Variants in SEC23A observed in about 807,000 individuals in gnomAD.
SEC23A encodes SEC23 homolog A, COPII component.
SEC23A carries 56 observed loss-of-function variants against 103.7 expected under a neutral mutation model. The observed-to-expected ratio is 0.54, with a 90% CI of 0.44 to 0.67. The LOEUF (loss-of-function observed/expected upper bound fraction) is 0.67, where lower values mean the gene tolerates loss of function less well. SEC23A is among the 30% of genes least tolerant of loss of function. The pLI, the probability that SEC23A is intolerant of heterozygous loss-of-function variation, is 0.00. For synonymous variants in SEC23A, 281 were observed against 293.0 expected (o/e 0.96, Z 0.42); for missense variants, 784 against 936.4 (o/e 0.84, Z 2.12).
At chr14:39,077,475 G>C (rs563707410) in intron 7 of SEC23A, among the ~76,000 whole-genome samples, 1 of 152,036 alleles carries the variant, frequency 6.6e-6, no homozygotes, top group Admixed American at 6.5e-5. Flanking sequence ...CCGGGAGGTG[G>C]AGGTTGCAGT....
At chr14:39,058,677 G>A (rs751103859) in intron 13 of SEC23A, among the ~76,000 whole-genome samples, 12 of 152,196 alleles carry the variant, frequency 7.9e-5, no homozygotes, top group East Asian at 1.9e-4. Flanking sequence ...TGGTTGAAAC[G>A]TGTGAATTAT....
chr14:39,068,187 A>G (rs1404912036), intron 9 of SEC23A, among the ~76,000 whole-genome samples: 4 of 152,150 alleles, frequency 2.6e-5, no homozygotes, highest in Non-Finnish European at 4.4e-5. Context: ...CTATTTTGAT[A>G]CCATTCCTTC....
At chr14:39,046,134 A>G (rs1379927143) in intron 15 of SEC23A, among the ~76,000 whole-genome samples, 1 of 152,056 alleles carries the variant, frequency 6.6e-6, no homozygotes, top group Admixed American at 6.6e-5. Context: ...GCTTTCCGCC[A>G]TGATTGTGAG....
chr14:39,097,536 T>C (rs1887930061), intron 1 of SEC23A, among the ~76,000 whole-genome samples: 2 of 152,230 alleles, frequency 1.3e-5, no homozygotes, highest in Admixed American at 6.5e-5. Flanking sequence ...ATTTTAATTT[T>C]AGAAAATCTT....
rs1169800218 is a variant in SEC23A, at chr14:39,094,438, ATATATTTTTTTT to A, written c.222-1206_222-1195del. 8.0e-3 allele frequency among the ~76,000 whole-genome samples: 126 copies of A among 15,668 alleles called. 12 individuals carry two copies. The highest frequency in any genetic ancestry group is 0.015 in the East Asian group (7 of 458). 10.3% of individuals were successfully genotyped at this position (15,668 alleles called of 152,430 possible). Reference sequence around the variant, plus strand: ...TATATATATATATATATATATATATATATATTTTTTTTTTTTTTTTTTCCCCTCCTGTAGAAA... The same window carrying A: ...TATATATATATATATATATATATATATTTTTTTTTTCCCCTCCTGTAGAAA... On this transcript the variant is annotated intron_variant, in intron 2 of 19. Transcript: ENST00000307712.
chr14:39,048,859 A>G, intron 14 of SEC23A, 130 bp from the exon 15 acceptor site: 1 of 630,596 alleles, frequency 1.6e-6, no homozygotes, highest in Non-Finnish European at 2.8e-6. Context: ...ATAAAATTAT[A>G]ATATTACTTA....
chr14:39,095,854 T>C, intron 2 of SEC23A, 44 bp downstream of exon 2: 2 of 1,409,516 alleles, frequency 1.4e-6, no homozygotes, highest in South Asian at 1.2e-5. Context: ...CCCGACATTT[T>C]AAAATCACAT....
At chr14:39,093,780 T>C (rs1460507831) in intron 2 of SEC23A, among the ~76,000 whole-genome samples, 1 of 152,096 alleles carries the variant, frequency 6.6e-6, no homozygotes, top group African/African-American at 2.4e-5. Flanking sequence ...TATGCACACA[T>C]ATATACAGCA....
intron 12 of SEC23A, among the ~76,000 whole-genome samples, chr14:39,062,090 T>C (rs1246149464): frequency 1.3e-5 from 2 of 152,172 alleles, no homozygotes; most frequent in Non-Finnish European, 2.9e-5. Flanking sequence ...AAGTCAGTCC[T>C]GCTAGGAAAT....
intron 7 of SEC23A, among the ~76,000 whole-genome samples, chr14:39,079,477 C>T (rs902091267): frequency 1.3e-5 from 2 of 152,134 alleles, no homozygotes; most frequent in African/African-American, 4.8e-5. Flanking sequence ...ACCTACACTA[C>T]AGCTTCAGAA....
At chr14:39,095,343 T>G (rs530417067) in intron 2 of SEC23A, among the ~76,000 whole-genome samples, 1 of 151,304 alleles carries the variant, frequency 6.6e-6, no homozygotes, top group Non-Finnish European at 1.5e-5. Flanking sequence ...TCACCCAGAG[T>G]TGGAGTACAG....
At chr14:39,074,979 T>C (rs1250235750) in intron 8 of SEC23A, among the ~76,000 whole-genome samples, 2 of 151,966 alleles carry the variant, frequency 1.3e-5, no homozygotes, top group Non-Finnish European at 2.9e-5. Context: ...TGGTGGTGGG[T>C]GCCTGTATTC....
intron 17 of SEC23A, 125 bp from the exon 18 acceptor site, chr14:39,041,012 A>C: frequency 9.4e-7 from 1 of 1,058,562 alleles, no homozygotes; most frequent in Non-Finnish European, 1.3e-6. Flanking sequence ...CATTTACCTC[A>C]ATTTTTTAAA....
At chr14:39,063,508 A>C in intron 11 of SEC23A, 95 bp from the exon 12 acceptor site, 1 of 766,846 alleles carries the variant, frequency 1.3e-6, no homozygotes, top group Non-Finnish European at 2.2e-6. Flanking sequence ...AGGAAAAAAA[A>C]AAGTCATGTT....
intron 13 of SEC23A, among the ~76,000 whole-genome samples, chr14:39,058,215 G>C (rs950978277): frequency 2.0e-5 from 3 of 151,420 alleles, no homozygotes; most frequent in African/African-American, 7.3e-5. Flanking sequence ...ACTTTTACAT[G>C]TAAGAGTGAT....
chr14:39,077,620 A>G (rs1887081642), intron 7 of SEC23A, among the ~76,000 whole-genome samples: 1 of 152,208 alleles, frequency 6.6e-6, no homozygotes, highest in Non-Finnish European at 1.5e-5. Flanking sequence ...TTACACTTCC[A>G]GTCCAAGTTA....
intron 2 of SEC23A, 116 bp from the exon 3 acceptor site, chr14:39,093,360 G>C (rs1325269162): frequency 3.7e-6 from 3 of 814,034 alleles, no homozygotes; most frequent in Non-Finnish European, 5.8e-6. Flanking sequence ...CAAATTGATA[G>C]TCAAAGTAAC....
rs932193872 is a variant in SEC23A at position 39,073,275 on chromosome 14, C to T, written c.1103+1140G>A. On this transcript the variant is annotated intron_variant, in intron 9 of 19. Transcript: ENST00000307712. Reference sequence around the variant, plus strand: ...AAACATTATGCTGAGTAAAAGAAACCAATCACAAGAGACCATTTGATTCCC... The same window carrying T: ...AAACATTATGCTGAGTAAAAGAAACTAATCACAAGAGACCATTTGATTCCC... 2.0e-5 allele frequency among the ~76,000 whole-genome samples: 3 copies of T among 152,006 alleles called. No individual in the cohort carries two copies. In the East Asian group the frequency reaches 5.8e-4, roughly 29 times the overall value.
chr14:39,093,388 T>G (rs1887730820), intron 2 of SEC23A, 144 bp from the exon 3 acceptor site: 1 of 625,324 alleles, frequency 1.6e-6, no homozygotes, highest in South Asian at 1.9e-5. Context: ...AGCCATGTAG[T>G]TTTAGATACT....
Sources: gnomAD v4.1 joint callset for allele counts (sites outside exome capture counted in the v4.1 genomes callset) on GRCh38, gnomAD v4.1.1 for gene constraint, MANE v1.5 for transcripts, NCBI Gene and HGNC (gene_info 2026-07-23, HGNC 2026-07-21) for gene names.